SYTL3: variants seen among roughly 807,000 people sequenced by gnomAD.
SYTL3 encodes the protein synaptotagmin-like protein 3.
Under a neutral mutation model 82.1 loss-of-function variants are expected in SYTL3, and 88 were observed. The ratio of observed to expected loss-of-function variants is 1.07; its 90% CI spans 0.90 to 1.28. The LOEUF is 1.28. SYTL3 is among the 50% of genes most tolerant of loss of function. The pLI is 0.00. For synonymous variants in SYTL3, 311 were observed against 289.4 expected, an observed-to-expected ratio of 1.07 and a Z score of -0.76; for missense variants, 831 against 757.6, an observed-to-expected ratio of 1.10 and a Z score of -1.14.
chr6:158,722,192 A>T (rs988151521), intron 10 of SYTL3, among the ~76,000 whole-genome samples: 2 of 151,838 alleles, frequency 1.3e-5, no homozygotes, highest in Non-Finnish European at 2.9e-5. Flanking sequence ...ACAGGGTCTT[A>T]CTTTGTCACC....
At chr6:158,743,724 G>A (rs1454098544) in intron 11 of SYTL3, among the ~76,000 whole-genome samples, 1 of 149,964 alleles carries the variant, frequency 6.7e-6, no homozygotes, top group Non-Finnish European at 1.5e-5. Context: ...GGGATTACAG[G>A]CATGAGCCAC....
At chr6:158,763,625 C>T (rs1345338998) in intron 17 of SYTL3, 116 bp downstream of exon 17, 1 of 869,090 alleles carries the variant, frequency 1.2e-6, no homozygotes, top group African/African-American at 1.7e-5. Flanking sequence ...AATTGCCTAG[C>T]CTGCCTTAAT....
intron 16 of SYTL3, 100 bp from the exon 17 acceptor site, chr6:158,763,204 G>C: frequency 8.8e-7 from 1 of 1,136,252 alleles, no homozygotes. Flanking sequence ...TTGTGGACTT[G>C]GCACTTTTCT....
chr6:158,664,037 C>G (rs1789708659), intron 4 of SYTL3, among the ~76,000 whole-genome samples: 1 of 152,168 alleles, frequency 6.6e-6, no homozygotes, highest in African/African-American at 2.4e-5. Context: ...TCCGCCTTAG[C>G]TGTCAAGATC....
At chr6:158,733,789 T>C (rs1027206450) in intron 11 of SYTL3, among the ~76,000 whole-genome samples, 1 of 151,754 alleles carries the variant, frequency 6.6e-6, no homozygotes, top group Non-Finnish European at 1.5e-5. Context: ...CTCTCGCCAT[T>C]GTTCCATCTC....
chr6:158,706,202 A>G (rs547850534), intron 6 of SYTL3, among the ~76,000 whole-genome samples: 1 of 152,276 alleles, frequency 6.6e-6, no homozygotes, highest in African/African-American at 2.4e-5. Flanking sequence ...GCACACAGGC[A>G]GGTGGACTCG....
At chr6:158,754,100 CAG>C (rs1788766912) in intron 13 of SYTL3, among the ~76,000 whole-genome samples, 1 of 152,170 alleles carries the variant, frequency 6.6e-6, no homozygotes, top group East Asian at 1.9e-4. Context: ...GGTGAGCCAT[CAG>C]AGTACGATTC....
Position 158,757,263 on chromosome 6 carries a change from G to A in SYTL3, c.1190G>A (p.Trp397Ter), listed in dbSNP as rs150304436. ...LVTRQLQVSV[W>*]HLGTLARRVF... ...ACCCGGCAGCTGCAGGTCTCGGTGT[G>A]GCATCTGGGCACGCTGGCCCGGAGA... The change falls in exon 14 of 18, where the codon TGG becomes TAG. Residue 397 changes from tryptophan (W) to a stop codon, truncating the protein, a stop_gained. Coordinates refer to ENST00000611299, the MANE Select transcript of SYTL3 (RefSeq NM_001242394.2). LOFTEE classifies it high-confidence loss of function. 3.7e-6 allele frequency: 6 copies of A among 1,612,946 alleles called. No individual in the cohort carries two copies. Among genetic ancestry groups the A allele is most frequent in the Middle Eastern group, 1.7e-4 (1 of 6,044 alleles).
intron 2 of SYTL3, among the ~76,000 whole-genome samples, chr6:158,657,470 A>G (rs1343726818): frequency 2.6e-5 from 4 of 151,788 alleles, no homozygotes; most frequent in Non-Finnish European, 4.4e-5. Context: ...AAAAGAAAAA[A>G]AGAGAAACTG....
intron 5 of SYTL3, among the ~76,000 whole-genome samples, chr6:158,673,725 A>C (rs1777668745): frequency 6.7e-6 from 1 of 149,998 alleles, no homozygotes; most frequent in Non-Finnish European, 1.5e-5. Context: ...GGTGTGAGCC[A>C]CCACGCCCCG....
At chr6:158,715,639 AC>A (rs71030193) in intron 9 of SYTL3, among the ~76,000 whole-genome samples, 1 of 92,994 alleles carries the variant, frequency 1.1e-5, no homozygotes, top group South Asian at 4.8e-4. Context: ...CACCCCCCAT[AC>A]CCCCCCACCA....
intron 6 of SYTL3, among the ~76,000 whole-genome samples, chr6:158,685,960 A>G (rs548083957): frequency 5.6e-4 from 85 of 152,328 alleles, no homozygotes; most frequent in African/African-American, 1.8e-3. Context: ...TCATTTCTCA[A>G]TGCCAGCTAA....
intron 6 of SYTL3, among the ~76,000 whole-genome samples, chr6:158,702,312 G>A (rs1046207355): frequency 5.6e-5 from 8 of 143,034 alleles, no homozygotes; most frequent in Admixed American, 1.4e-4. Flanking sequence ...GGCAACAAGA[G>A]TGAGACTCTG....
chr6:158,727,420 C>T (rs1296031015), intron 11 of SYTL3, among the ~76,000 whole-genome samples: 3 of 152,258 alleles, frequency 2.0e-5, no homozygotes, highest in Admixed American at 2.0e-4. Context: ...ATCTGCCTGC[C>T]TCGACCTCCC....
chr6:158,667,946 A>G (rs1314272343), intron 5 of SYTL3, among the ~76,000 whole-genome samples: 1 of 152,224 alleles, frequency 6.6e-6, no homozygotes, highest in East Asian at 1.9e-4. Context: ...GAGATGAGGC[A>G]GGCTGAGTGG....
chr6:158,693,844 C>CTTTTACTTTTTTTTTTTTTTTT lies in SYTL3; in HGVS notation c.394+10859_394+10860insACTTTTTTTTTTTTTTTTTTTT, dbSNP rs763990639. ...AGGTGTGCCACTGCATCCAGCCTTT[C>CTTTTACTTTTTTTTTTTTTTTT]TTTTTCTTTTCTTTTTTTTTTTTTT... On this transcript the variant is annotated intron_variant, in intron 6 of 17. Transcript: ENST00000611299. Among the ~76,000 whole-genome samples the CTTTTACTTTTTTTTTTTTTTTT allele has an allele frequency of 2.0e-3, 113 of 55,588 alleles. 9 individuals carry two copies. Among genetic ancestry groups the CTTTTACTTTTTTTTTTTTTTTT allele is most frequent in the Non-Finnish European group, 2.8e-3 (84 of 29,508 alleles). 36.5% of individuals were successfully genotyped at this position (55,588 alleles called of 152,430 possible).
intron 14 of SYTL3, among the ~76,000 whole-genome samples, chr6:158,759,682 TCAC>T (rs1202442262): frequency 6.6e-6 from 1 of 152,020 alleles, no homozygotes; most frequent in Non-Finnish European, 1.5e-5. Context: ...TAGGCGCCCG[TCAC>T]CACACCTGGC....
intron 11 of SYTL3, among the ~76,000 whole-genome samples, chr6:158,730,976 A>G (rs1785329128): frequency 6.6e-6 from 1 of 152,196 alleles, no homozygotes; most frequent in South Asian, 2.1e-4. Flanking sequence ...ACATCACACA[A>G]ACCTCCAGTA....
At chr6:158,698,034 C>T (rs998406189) in intron 6 of SYTL3, among the ~76,000 whole-genome samples, 2 of 152,192 alleles carry the variant, frequency 1.3e-5, no homozygotes, top group African/African-American at 2.4e-5. Context: ...TGTCTTCTTT[C>T]ATCCTGGGAC....
Sources: gnomAD v4.1 joint callset for allele counts (sites outside exome capture counted in the v4.1 genomes callset) on GRCh38, gnomAD v4.1.1 for gene constraint, MANE v1.5 for transcripts, NCBI Gene and HGNC (gene_info 2026-07-23, HGNC 2026-07-21) for gene names.